NPAS3: variants seen among roughly 807,000 people sequenced by gnomAD.
NPAS3 encodes the protein neuronal PAS domain-containing protein 3.
NPAS3 carries 14 observed loss-of-function variants against 73.1 expected under a neutral mutation model. The observed-to-expected ratio is 0.19, with a 90% CI of 0.13 to 0.30. The LOEUF (loss-of-function observed/expected upper bound fraction) is 0.30. NPAS3 is among the 10% of genes least tolerant of loss of function. The pLI, the probability that NPAS3 is intolerant of heterozygous loss-of-function variation, is 1.00. For missense variants in NPAS3, 1,096 were observed against 1,250.0 expected, an observed-to-expected ratio of 0.88 and a Z score of 1.86; for synonymous variants, 620 against 541.5, an observed-to-expected ratio of 1.14 and a Z score of -2.01.
intron 3 of NPAS3, among the ~76,000 whole-genome samples, chr14:33,246,396 G>A (rs931811720): frequency 1.3e-5 from 2 of 151,802 alleles, no homozygotes; most frequent in Non-Finnish European, 2.9e-5. Context: ...AAAATTAGCC[G>A]GGCATGGTGG....
intron 2 of NPAS3, among the ~76,000 whole-genome samples, chr14:33,117,204 G>A (rs556714192): frequency 1.3e-5 from 2 of 151,918 alleles, no homozygotes; most frequent in South Asian, 4.2e-4. Context: ...CTTGGTGGTG[G>A]GGACATCCAA....
chr14:32,968,696 C>G (rs1294002532), intron 1 of NPAS3, among the ~76,000 whole-genome samples: 1 of 151,914 alleles, frequency 6.6e-6, no homozygotes, highest in Non-Finnish European at 1.5e-5. Flanking sequence ...GGAGTGCTTG[C>G]CTGGGTGGTT....
intron 2 of NPAS3, among the ~76,000 whole-genome samples, chr14:33,111,778 A>G (rs1386385445): frequency 6.6e-6 from 1 of 151,406 alleles, no homozygotes; most frequent in Non-Finnish European, 1.5e-5. Context: ...CATCATTTAC[A>G]TTAGGTATAT....
intron 2 of NPAS3, among the ~76,000 whole-genome samples, chr14:33,080,124 T>TG (rs201736667): frequency 6.6e-6 from 1 of 151,674 alleles, no homozygotes; most frequent in African/African-American, 2.4e-5. Flanking sequence ...TTAATTTTTT[T>TG]GGGACGGAGT....
chr14:33,198,820 C>T (rs1241561157), intron 2 of NPAS3, among the ~76,000 whole-genome samples: 1 of 152,230 alleles, frequency 6.6e-6, no homozygotes, highest in Non-Finnish European at 1.5e-5. Context: ...TCGGGCCACG[C>T]TGGAGCCCAC....
intron 2 of NPAS3, among the ~76,000 whole-genome samples, chr14:33,073,172 A>G (rs879496276): frequency 6.6e-6 from 1 of 152,192 alleles, no homozygotes; most frequent in Non-Finnish European, 1.5e-5. Flanking sequence ...GGTTTAGTTC[A>G]GGAACAAACA....
intron 5 of NPAS3, among the ~76,000 whole-genome samples, chr14:33,596,230 A>C (rs1406314049): frequency 2.0e-5 from 3 of 152,182 alleles, no homozygotes; most frequent in Non-Finnish European, 4.4e-5. Context: ...GCAGTTTGTC[A>C]CTTGTATTTG....
intron 4 of NPAS3, among the ~76,000 whole-genome samples, chr14:33,409,602 G>A (rs1383952610): frequency 6.6e-6 from 1 of 152,140 alleles, no homozygotes; most frequent in Non-Finnish European, 1.5e-5. Context: ...ATGTGGAAAA[G>A]TGGGATTTAT....
At chr14:33,259,228 A>G (rs113182585) in intron 3 of NPAS3, among the ~76,000 whole-genome samples, 2 of 152,234 alleles carry the variant, frequency 1.3e-5, no homozygotes, top group African/African-American at 2.4e-5. Context: ...TTTGAGCTTT[A>G]TGGTTCCTAG....
chr14:33,126,113 A>G (rs1421284977), intron 2 of NPAS3, among the ~76,000 whole-genome samples: 1 of 152,204 alleles, frequency 6.6e-6, no homozygotes, highest in Non-Finnish European at 1.5e-5. Flanking sequence ...CTAGTTTTCA[A>G]ACTGCAGTCC....
intron 5 of NPAS3, among the ~76,000 whole-genome samples, chr14:33,675,981 G>GA (rs370850396): frequency 0.022 from 3,045 of 137,542 alleles, 65 homozygotes; most frequent in African/African-American, 0.061. Flanking sequence ...AGTGTGTGAG[G>GA]AAAAAAAAAA....
intron 1 of NPAS3, among the ~76,000 whole-genome samples, chr14:33,012,154 C>T (rs1238929146): frequency 6.6e-6 from 1 of 152,156 alleles, no homozygotes; most frequent in Admixed American, 6.5e-5. Flanking sequence ...CAATTAAAAA[C>T]AGCCTTGCCC....
At chr14:33,215,508 T>A in intron 3 of NPAS3, 82 bp downstream of exon 3, 1 of 1,469,158 alleles carries the variant, frequency 6.8e-7, no homozygotes, top group Non-Finnish European at 9.5e-7. Flanking sequence ...CATCCTTTCT[T>A]CTTTTCCTGC....
chr14:33,207,274 C>T (rs1317782387), intron 2 of NPAS3, among the ~76,000 whole-genome samples: 2 of 109,600 alleles, frequency 1.8e-5, no homozygotes, highest in East Asian at 7.1e-4. Context: ...CACGCACACA[C>T]ACACACACAC....
At position 33,175,105 on chromosome 14, in the gene NPAS3, T is replaced by C. The variant is rs138552208; in HGVS notation, c.141-40077T>C. 9.1e-3 allele frequency among the ~76,000 whole-genome samples: 1,382 copies of C among 152,296 alleles called. 25 individuals are homozygous for C. Among genetic ancestry groups the C allele is most frequent in the African/African-American group, 0.032 (1,341 of 41,562 alleles). On this transcript the variant is annotated intron_variant, in intron 2 of 11. Coordinates refer to ENST00000356141, the Ensembl canonical transcript of NPAS3. ...TGATACTTACGCAAAGATTTTTTTA[T>C]ATCCAGGAACCAATGAAAAACTGTA...
chr14:33,745,164 G>A (rs552173098), intron 7 of NPAS3, among the ~76,000 whole-genome samples: 51 of 152,232 alleles, frequency 3.4e-4, no homozygotes, highest in Admixed American at 7.2e-4. Context: ...CAGGAGGATC[G>A]CTCAAGCCCA....
intron 4 of NPAS3, among the ~76,000 whole-genome samples, chr14:33,545,288 T>A (rs764704122): frequency 1.4e-4 from 22 of 152,172 alleles, no homozygotes; most frequent in Non-Finnish European, 2.4e-4. Flanking sequence ...CCAAGTGTAT[T>A]TTTCTCCTTA....
At chr14:33,443,248 T>C (rs982927170) in intron 4 of NPAS3, among the ~76,000 whole-genome samples, 2 of 152,078 alleles carry the variant, frequency 1.3e-5, no homozygotes, top group African/African-American at 2.4e-5. Context: ...AGGGAAAATT[T>C]GACTATATAT....
chr14:33,420,738 A>G (rs1421239613), intron 4 of NPAS3, among the ~76,000 whole-genome samples: 1 of 151,952 alleles, frequency 6.6e-6, no homozygotes, highest in East Asian at 1.9e-4. Context: ...TTCAAATCAC[A>G]CAAGATGAAA....
Sources: allele counts gnomAD v4.1 joint callset (sites outside exome capture counted in the v4.1 genomes callset), GRCh38; gene constraint gnomAD v4.1.1; transcripts MANE v1.5; gene names NCBI Gene and HGNC (gene_info 2026-07-23, HGNC 2026-07-21).